ACTN1: variants seen among roughly 807,000 people sequenced by gnomAD.
ACTN1 encodes actinin alpha 1.
A neutral mutation model predicts 119.6 loss-of-function variants in ACTN1; 30 were observed. The ratio of observed to expected loss-of-function variants is 0.25; its 90% confidence interval spans 0.19 to 0.34. ACTN1 has a LOEUF of 0.34. Ranked by LOEUF, ACTN1 falls within the 10% of genes least tolerant of loss-of-function variation. ACTN1 has a pLI of 1.00. For missense variants in ACTN1, 764 were observed against 1,223.4 expected, an observed-to-expected ratio of 0.62 and a Z score of 5.60; for synonymous variants, 429 against 472.6, an observed-to-expected ratio of 0.91 and a Z score of 1.20.
intron 1 of ACTN1, among the ~76,000 whole-genome samples, chr14:68,929,273 G>C (rs1222357177): frequency 6.6e-6 from 1 of 152,088 alleles, no homozygotes; most frequent in Non-Finnish European, 1.5e-5. Context: ...ATGAGGGGGT[G>C]GCACCTGCTC....
At chr14:68,949,868 C>T (rs2036071057) in intron 1 of ACTN1, among the ~76,000 whole-genome samples, 1 of 152,158 alleles carries the variant, frequency 6.6e-6, no homozygotes, top group Non-Finnish European at 1.5e-5. Context: ...AGAATAAATG[C>T]TATATGATTC....
At chr14:68,889,318 G>T (rs906295798) in intron 11 of ACTN1, among the ~76,000 whole-genome samples, 1 of 152,160 alleles carries the variant, frequency 6.6e-6, no homozygotes, top group Non-Finnish European at 1.5e-5. Context: ...GGAAATAGAG[G>T]AAAAAGAGCT....
At chr14:68,952,799 A>T (rs1483249789) in intron 1 of ACTN1, among the ~76,000 whole-genome samples, 1 of 151,744 alleles carries the variant, frequency 6.6e-6, no homozygotes, top group Non-Finnish European at 1.5e-5. Context: ...ACCCTCACAC[A>T]CTCTCAATCA....
intron 3 of ACTN1, among the ~76,000 whole-genome samples, chr14:68,917,182 G>C (rs1283113007): frequency 6.6e-6 from 1 of 152,170 alleles, no homozygotes; most frequent in East Asian, 1.9e-4. Flanking sequence ...TATCGTAGGG[G>C]AGACCTTAAG....
At chr14:68,949,487 G>C (rs917757330) in intron 1 of ACTN1, among the ~76,000 whole-genome samples, 1 of 152,216 alleles carries the variant, frequency 6.6e-6, no homozygotes, top group African/African-American at 2.4e-5. Flanking sequence ...GCGCTGGCAG[G>C]GGGAAGGGGT....
intron 7 of ACTN1, 51 bp from the exon 8 acceptor site, chr14:68,902,613 C>T: frequency 6.6e-7 from 1 of 1,507,552 alleles, no homozygotes; most frequent in Non-Finnish European, 9.2e-7. Context: ...GAACACCATA[C>T]ACCCCCGACG....
In ACTN1 at chr14:68,874,933, C is replaced by A. The variant is rs147023729; in HGVS notation, c.2671G>T (p.Gly891Cys). ...YCIARMAPYT[G>C]PDSVPGALDY... ...AGAGCACCTGGCACGGAGTCGGGGC[C>A]GGTGTAGGGGGCCATCCGCGCGATG... Residue 891 changes from glycine to cysteine, a missense_variant, in exon 22 of 22, where the codon GGC becomes TGC. Around this residue, in one of 4 missense-constraint regions of ACTN1, gnomAD observed 102 missense variants for 78.2 expected, o/e 1.30. Transcript: ENST00000394419. 257 of 1,612,368 alleles carry A rather than the reference C, an allele frequency of 1.6e-4. No homozygotes were observed. The highest frequency in any genetic ancestry group is 2.1e-4 in the Non-Finnish European group (251 of 1,178,972).
At position 68,875,035 on chromosome 14, in the gene ACTN1, T is replaced by G. The variant is rs771727287; in HGVS notation, c.2587-18A>C. On this transcript the variant is annotated intron_variant, in intron 21 of 21. Transcript: ENST00000394419. ...ATGTAGTTCTGCGAGGAGAGAGTGGTCAGGAAGGCCGCAAAGTCCAGCAGC... is the reference window on the plus strand; with the variant it reads ...ATGTAGTTCTGCGAGGAGAGAGTGGGCAGGAAGGCCGCAAAGTCCAGCAGC... 7 of 1,611,264 alleles carry G rather than the reference T, an allele frequency of 4.3e-6. No individual in the cohort carries two copies. The highest frequency in any genetic ancestry group is 5.9e-6 in the Non-Finnish European group (7 of 1,179,838).
intron 1 of ACTN1, among the ~76,000 whole-genome samples, chr14:68,967,281 C>G (rs2036738501): frequency 6.6e-6 from 1 of 152,226 alleles, no homozygotes; most frequent in Admixed American, 6.5e-5. Context: ...CCCTCAGCAT[C>G]TGTCAGTTGT....
chr14:68,912,360 T>G, intron 3 of ACTN1, 118 bp from the exon 4 acceptor site: 5 of 793,164 alleles, frequency 6.3e-6, no homozygotes, highest in Non-Finnish European at 1.1e-5. Flanking sequence ...TCCAGAGCTC[T>G]ACTTCTAGAG....
At chr14:68,978,715 G>A in intron 1 of ACTN1, 1 of 349,960 alleles carries the variant, frequency 2.9e-6, no homozygotes, top group South Asian at 7.1e-5. Context: ...GCCCGCCAGC[G>A]GCGCCACCTC....
chr14:68,875,576 T>TTC (rs1197241822), intron 21 of ACTN1, among the ~76,000 whole-genome samples: 1 of 152,270 alleles, frequency 6.6e-6, no homozygotes, highest in Non-Finnish European at 1.5e-5. Flanking sequence ...GGTATCTACC[T>TTC]TCTCCCAGGT....
At chr14:68,899,406 C>T (rs1435359015) in intron 8 of ACTN1, among the ~76,000 whole-genome samples, 1 of 149,334 alleles carries the variant, frequency 6.7e-6, no homozygotes, top group Non-Finnish European at 1.5e-5. Context: ...TCACACACTA[C>T]ACCCTTCCAC....
chr14:68,953,561 C>T (rs1002457397), intron 1 of ACTN1, among the ~76,000 whole-genome samples: 2 of 152,178 alleles, frequency 1.3e-5, no homozygotes, highest in Non-Finnish European at 2.9e-5. Context: ...TTCAATCTCA[C>T]CCAGTTGCCA....
rs189756281 is a variant in ACTN1 at position 68,948,435 on chromosome 14, G to A, written c.106-22763C>T. On this transcript the variant is annotated intron_variant, in intron 1 of 21. Coordinates refer to ENST00000394419, the MANE Select transcript of ACTN1 (RefSeq NM_001130004.2). Reference sequence around the variant, plus strand: ...TCTACTAAAAATACAAAAATTAGCCGGGCATGGTGGCGAGCGCCTGTAATC... The same window carrying A: ...TCTACTAAAAATACAAAAATTAGCCAGGCATGGTGGCGAGCGCCTGTAATC... Among the ~76,000 whole-genome samples, 748 of 152,172 alleles carry A rather than the reference G, an allele frequency of 4.9e-3. 5 individuals carry two copies. The highest frequency in any genetic ancestry group is 0.016 in the African/African-American group (679 of 41,514).
chr14:68,901,373 G>A (rs2033320695), intron 8 of ACTN1, among the ~76,000 whole-genome samples: 1 of 151,314 alleles, frequency 6.6e-6, no homozygotes, highest in African/African-American at 2.4e-5. Flanking sequence ...TCAGCCTCCT[G>A]AATAGCTGGG....
In ACTN1 at chr14:68,909,445, A is replaced by C. The variant is rs1326073515; in HGVS notation, c.516-49T>G. 4 of 1,595,800 alleles carry C rather than the reference A, an allele frequency of 2.5e-6. No homozygotes were observed. The highest frequency in any genetic ancestry group is 2.6e-6 in the Non-Finnish European group (3 of 1,165,022). ...AGCAGGCTGGTAAATGAGGCTGAACAAACGGGCAACCAGGGCAAAGCAGGG... is the reference window on the plus strand; with the variant it reads ...AGCAGGCTGGTAAATGAGGCTGAACCAACGGGCAACCAGGGCAAAGCAGGG... On this transcript the variant is annotated intron_variant, in intron 5 of 21. Coordinates refer to ENST00000394419, the MANE Select transcript of ACTN1 (RefSeq NM_001130004.2). This position sits in a 1 kb window ranked among gnomAD's most constrained non-coding sequence, Gnocchi z 4.1.
chr14:68,901,490 C>T (rs184816055), intron 8 of ACTN1, among the ~76,000 whole-genome samples: 140 of 152,224 alleles, frequency 9.2e-4, no homozygotes, highest in African/African-American at 1.8e-3. Context: ...TCAAGTGATC[C>T]GCCTGCCTTG....
In ACTN1 at chr14:68,955,619, C is replaced by G. The variant is rs185905195; in HGVS notation, c.105+23333G>C. 3.2e-3 allele frequency among the ~76,000 whole-genome samples: 485 copies of G among 152,242 alleles called. 2 individuals are homozygous for G. The highest frequency in any genetic ancestry group is 0.011 in the African/African-American group (468 of 41,548). The stretch of plus-strand genomic sequence containing the variant: ...GGTCATTGAAGGACACAGATGTTTG[C>G]GCTCGGTGGCAGGGGAGGACCTGCT... On this transcript the variant is annotated intron_variant, in intron 1 of 21. Transcript: ENST00000394419.
Sources: allele counts gnomAD v4.1 joint callset (sites outside exome capture counted in the v4.1 genomes callset), GRCh38; gene constraint gnomAD v4.1.1; regional missense constraint gnomAD v4.1.1; non-coding constraint Gnocchi (gnomAD v3.1); transcripts MANE v1.5; gene names NCBI Gene and HGNC (gene_info 2026-07-23, HGNC 2026-07-21).